LINGO2: variants seen among roughly 807,000 people sequenced by gnomAD.
LINGO2 encodes the protein leucine rich repeat and Ig domain containing 2.
In LINGO2, 14 loss-of-function variants were observed where a neutral mutation model predicts 30.6. The observed-to-expected ratio is 0.46, with a 90% confidence interval of 0.30 to 0.72. The LOEUF (loss-of-function observed/expected upper bound fraction) is 0.72, where lower values mean the gene tolerates loss of function less well. LINGO2 is among the 30% of genes least tolerant of loss of function. LINGO2 has a pLI of 0.07. For synonymous variants in LINGO2, 317 were observed against 288.5 expected (o/e 1.10, Z -1.00); for missense variants, 729 against 751.7 (o/e 0.97, Z 0.35).
intron 3 of LINGO2, among the ~76,000 whole-genome samples, chr9:28,366,311 G>A (rs1008402582): frequency 6.6e-6 from 1 of 152,070 alleles, no homozygotes; most frequent in African/African-American, 2.4e-5. Context: ...TCCCTCTTAT[G>A]TGATCTTTAG....
At chr9:29,158,233 G>A in the LINGO2 span, among the ~76,000 whole-genome samples, 1 of 151,808 alleles carries the variant, frequency 6.6e-6, no homozygotes, top group Non-Finnish European at 1.5e-5. Flanking sequence ...ATTCATGCCT[G>A]TAGTCCCAGC....
At chr9:28,616,880 A>G (rs1389556220) in intron 1 of LINGO2, among the ~76,000 whole-genome samples, 1 of 152,228 alleles carries the variant, frequency 6.6e-6, no homozygotes, top group Non-Finnish European at 1.5e-5. Context: ...CCCTTTCAAA[A>G]GCACATCCAA....
At chr9:28,829,957 T>C in the LINGO2 span, among the ~76,000 whole-genome samples, 1 of 152,198 alleles carries the variant, frequency 6.6e-6, no homozygotes, top group East Asian at 1.9e-4. Context: ...AGTCATACTA[T>C]AAATGCTGTC....
At chr9:29,176,035 G>A in the LINGO2 span, among the ~76,000 whole-genome samples, 9 of 152,008 alleles carry the variant, frequency 5.9e-5, no homozygotes, top group Non-Finnish European at 1.2e-4. Context: ...CCAAGTCCTC[G>A]ATCTGCACAT....
the LINGO2 span, among the ~76,000 whole-genome samples, chr9:28,811,778 T>A: frequency 6.6e-6 from 1 of 152,144 alleles, no homozygotes; most frequent in Non-Finnish European, 1.5e-5. Context: ...TTTAATTCAC[T>A]AGATAGCACT....
intron 4 of LINGO2, among the ~76,000 whole-genome samples, chr9:28,068,765 T>A (rs771962211): frequency 2.0e-5 from 3 of 152,204 alleles, no homozygotes; most frequent in Non-Finnish European, 2.9e-5. Context: ...CTTTTAAGCT[T>A]GATTTTTGAA....
At chr9:28,522,626 A>T (rs1820867801) in intron 1 of LINGO2, among the ~76,000 whole-genome samples, 1 of 152,232 alleles carries the variant, frequency 6.6e-6, no homozygotes, top group Non-Finnish European at 1.5e-5. Flanking sequence ...TGCAATCAAA[A>T]TAAATATTTA....
chr9:28,300,469 T>C (rs113159297), intron 3 of LINGO2, among the ~76,000 whole-genome samples: 5 of 152,282 alleles, frequency 3.3e-5, no homozygotes, highest in African/African-American at 9.6e-5. Context: ...TTGATTATGA[T>C]CTAGAAACTT....
chr9:28,136,301 G>T (rs903195447), intron 4 of LINGO2, among the ~76,000 whole-genome samples: 11 of 152,196 alleles, frequency 7.2e-5, no homozygotes, highest in Admixed American at 2.0e-4. Flanking sequence ...TTAGAAAAAG[G>T]CATTCCCTTC....
At chr9:28,604,412 G>C (rs1272492814) in intron 1 of LINGO2, among the ~76,000 whole-genome samples, 5 of 152,000 alleles carry the variant, frequency 3.3e-5, no homozygotes, top group Admixed American at 3.3e-4. Flanking sequence ...TTGTCTTTTA[G>C]AAAGACGAGT....
intron 1 of LINGO2, among the ~76,000 whole-genome samples, chr9:28,492,974 G>T (rs1026108020): frequency 6.6e-6 from 1 of 152,062 alleles, no homozygotes; most frequent in African/African-American, 2.4e-5. Flanking sequence ...ATTGGTGTAG[G>T]TACAAATAAT....
At chr9:29,193,890 A>G in the LINGO2 span, among the ~76,000 whole-genome samples, 2 of 152,214 alleles carry the variant, frequency 1.3e-5, no homozygotes, top group African/African-American at 4.8e-5. Flanking sequence ...ATGCCATGTA[A>G]AGGGGCAATT....
the LINGO2 span, among the ~76,000 whole-genome samples, chr9:28,999,677 C>G: frequency 6.6e-6 from 1 of 151,596 alleles, no homozygotes; most frequent in African/African-American, 2.4e-5. Flanking sequence ...ATGTTTGATA[C>G]AATAAATTAA....
At chr9:28,907,328 C>G in the LINGO2 span, among the ~76,000 whole-genome samples, 2 of 151,806 alleles carry the variant, frequency 1.3e-5, no homozygotes, top group Non-Finnish European at 2.9e-5. Flanking sequence ...AGCATAGTAA[C>G]AGTAGCAAAA....
chr9:28,487,984 A>G (rs1826239931), intron 1 of LINGO2, among the ~76,000 whole-genome samples: 2 of 152,206 alleles, frequency 1.3e-5, no homozygotes, highest in African/African-American at 4.8e-5. Flanking sequence ...ATTTAAAAGT[A>G]TACACACATG....
At chr9:28,959,237 C>T in the LINGO2 span, among the ~76,000 whole-genome samples, 3 of 151,996 alleles carry the variant, frequency 2.0e-5, no homozygotes, top group South Asian at 2.1e-4. Flanking sequence ...AACAGAGAAA[C>T]GGTCTCAACA....
intron 1 of LINGO2, among the ~76,000 whole-genome samples, chr9:28,485,804 C>T (rs74607283): frequency 0.013 from 1,940 of 152,144 alleles, 56 homozygotes; most frequent in East Asian, 0.099. Context: ...GGGGCCTGTG[C>T]AGCCCTGTAA....
chr9:28,242,642 T>C (rs1821841726), intron 4 of LINGO2, among the ~76,000 whole-genome samples: 1 of 151,922 alleles, frequency 6.6e-6, no homozygotes, highest in Non-Finnish European at 1.5e-5. Context: ...AGATACTCCA[T>C]GAGAAGATCA....
Position 28,458,692 on chromosome 9 carries a change from A to G in LINGO2, c.-279+17248T>C, listed in dbSNP as rs146260621. Reference sequence around the variant, plus strand: ...CAGCTCTCCTGGTACCTGCCTAATGACCACTGACAGGCTCACCTAACTTTT... The same window carrying G: ...CAGCTCTCCTGGTACCTGCCTAATGGCCACTGACAGGCTCACCTAACTTTT... On this transcript the variant is annotated intron_variant, in intron 2 of 5. Transcript: ENST00000379992. Among the ~76,000 whole-genome samples, 183 of 152,216 alleles carry G rather than the reference A, an allele frequency of 1.2e-3. 2 individuals are homozygous for G. The highest frequency in any genetic ancestry group is 4.2e-3 in the African/African-American group (176 of 41,532).
Sources: allele counts gnomAD v4.1 joint callset (sites outside exome capture counted in the v4.1 genomes callset), GRCh38; gene constraint gnomAD v4.1.1; transcripts MANE v1.5; gene names NCBI Gene and HGNC (gene_info 2026-07-23, HGNC 2026-07-21).